The following FAM76A variants were observed in gnomAD, a reference collection of about 807,000 sequenced individuals.
The protein encoded by FAM76A is protein FAM76A.
FAM76A carries 32 observed loss-of-function variants against 46.2 expected under a neutral mutation model. The observed-to-expected ratio is 0.69, with a 90% CI of 0.52 to 0.93. The LOEUF (loss-of-function observed/expected upper bound fraction) is 0.93. FAM76A is among the 40% of genes least tolerant of loss of function. The probability of loss-of-function intolerance (pLI) is 0.00; values close to 1 mark genes in which losing one functional copy is unlikely to be tolerated. For missense variants in FAM76A, 274 were observed against 361.5 expected, an observed-to-expected ratio of 0.76 and a Z score of 1.96; for synonymous variants, 137 against 127.0, an observed-to-expected ratio of 1.08 and a Z score of -0.53.
At chr1:27,742,368 T>C (rs954953680) in intron 4 of FAM76A, among the ~76,000 whole-genome samples, 3 of 152,210 alleles carry the variant, frequency 2.0e-5, no homozygotes, top group Non-Finnish European at 2.9e-5. Flanking sequence ...AGCCATGTTA[T>C]GCTTTCCTAG....
chr1:27,750,787 T>C (rs998942715), intron 6 of FAM76A, among the ~76,000 whole-genome samples: 1 of 152,242 alleles, frequency 6.6e-6, no homozygotes, highest in African/African-American at 2.4e-5. Flanking sequence ...TTGCATCCAG[T>C]CATCAGCAAT....
intron 7 of FAM76A, among the ~76,000 whole-genome samples, chr1:27,758,247 C>T (rs549302442): frequency 2.0e-5 from 3 of 152,270 alleles, no homozygotes; most frequent in East Asian, 1.9e-4. Context: ...TAGTAAATGG[C>T]GGAACAAGGG....
In FAM76A at chr1:27,748,761, G is replaced by A. The variant is rs563517635; in HGVS notation, c.513-307G>A. Among the ~76,000 whole-genome samples the A allele has an allele frequency of 3.1e-3, 468 of 152,306 alleles. 1 individual carries two copies. The highest frequency in any genetic ancestry group is 6.2e-3 in the Admixed American group (95 of 15,296). On this transcript the variant is annotated intron_variant, in intron 5 of 8. Coordinates refer to ENST00000373954, the MANE Select transcript of FAM76A (RefSeq NM_152660.3). ...CTCCCAAAGTGCCGGGATTACAGGC[G>A]TGAGCCACCGCACCCGGCCTCTTAT...
At chr1:27,740,337 A>C (rs1353295907) in intron 4 of FAM76A, 1 of 958,356 alleles carries the variant, frequency 1.0e-6, no homozygotes, top group Non-Finnish European at 1.7e-6. Flanking sequence ...GGCACCATGG[A>C]CTAATCAAAT....
chr1:27,734,200 C>T lies in FAM76A; in HGVS notation c.354+17C>T, dbSNP rs202047083. On this transcript the variant is annotated intron_variant, in intron 4 of 8. Transcript: ENST00000373954. ...AGAAAGAAGGTAAATCTCTGTTTTT[C>T]TTGATTTCTTTTTTTCCTTTCAGAG... 1.4e-5 allele frequency: 22 copies of T among 1,562,962 alleles called. No individual in the cohort carries two copies. In the East Asian group the frequency reaches 4.9e-4, roughly 35 times the overall value.
chr1:27,738,204 A>G (rs2088088894), intron 4 of FAM76A, among the ~76,000 whole-genome samples: 1 of 152,040 alleles, frequency 6.6e-6, no homozygotes. Context: ...TAAAAAAATA[A>G]TAATAGGCCA....
Position 27,734,096 on chromosome 1 carries a change from A to C in FAM76A, c.267A>C (p.Thr89=), listed in dbSNP as rs1400071455. The change falls in exon 4 of 9, where the codon ACA becomes ACC. Residue 89 remains threonine (T), a synonymous_variant. Transcript: ENST00000373954. The stretch of plus-strand genomic sequence containing the variant: ...TTGGGAATAAATGCCAGCGCTGCAC[A>C]AATTCAGAAAAGAAGTATGGACCAC... The part of the protein sequence containing the change: ...AFIGNKCQRC[T]NSEKKYGPPY... The C allele has an allele frequency of 6.2e-7, 1 of 1,613,176 alleles. No homozygotes were observed. The highest frequency in any genetic ancestry group is 8.5e-7 in the Non-Finnish European group (1 of 1,179,856).
chr1:27,738,096 C>T (rs1056637274), intron 4 of FAM76A, among the ~76,000 whole-genome samples: 2 of 151,298 alleles, frequency 1.3e-5, no homozygotes, highest in African/African-American at 4.9e-5. Flanking sequence ...CTGATGGCAT[C>T]CTGTGGTAGT....
At chr1:27,735,843 A>G (rs575469930) in intron 4 of FAM76A, among the ~76,000 whole-genome samples, 56 of 152,360 alleles carry the variant, frequency 3.7e-4, no homozygotes, top group African/African-American at 1.3e-3. Flanking sequence ...CTGGCACATA[A>G]TATAACTGAG....
Position 27,762,270 on chromosome 1 carries a change from C to T in FAM76A, c.*1689C>T, listed in dbSNP as rs2088522461. 6.6e-6 allele frequency: 1 copy of T among 152,138 alleles called. No individual in the cohort carries two copies. The highest frequency in any genetic ancestry group is 1.5e-5 in the Non-Finnish European group (1 of 68,038). 9.4% of individuals were successfully genotyped at this position (152,138 alleles called of 1,614,324 possible). A position where few individuals can be genotyped will look rare whatever the true frequency, so the allele number is the denominator to read the frequency against. ...ATAGATTTACATTTCTAGGCATACT[C>T]TCAGGTCCTCTATGTGATGTTTGTG... On this transcript the variant is annotated 3_prime_UTR_variant, in exon 9 of 9. Transcript: ENST00000373954.
At chr1:27,738,787 A>G (rs1557778516) in intron 4 of FAM76A, among the ~76,000 whole-genome samples, 1 of 152,198 alleles carries the variant, frequency 6.6e-6, no homozygotes, top group Non-Finnish European at 1.5e-5. Flanking sequence ...TACATGACAG[A>G]GAGTGACTGG....
rs1048529098 is a variant in FAM76A at position 27,759,776 on chromosome 1, T to G, written c.837+149T>G. 2.9e-5 allele frequency: 18 copies of G among 617,408 alleles called. 1 individual carries two copies. Among genetic ancestry groups the G allele is most frequent in the African/African-American group, 1.7e-4 (7 of 40,436 alleles). 38.2% of individuals were successfully genotyped at this position (617,408 alleles called of 1,614,324 possible). On this transcript the variant is annotated intron_variant, in intron 8 of 8. Transcript: ENST00000373954. ...TAATCCCCCTTTTAGGTTTTTTTTTTTTGTTTTTTTTTTGAGACAGGTTCT... is the reference window on the plus strand; with the variant it reads ...TAATCCCCCTTTTAGGTTTTTTTTTGTTGTTTTTTTTTTGAGACAGGTTCT...
intron 7 of FAM76A, 39 bp from the exon 8 acceptor site, chr1:27,759,487 C>A: frequency 6.8e-7 from 1 of 1,465,068 alleles, no homozygotes; most frequent in Non-Finnish European, 9.3e-7. Context: ...TTTTATTGCA[C>A]AGAAATTTCT....
chr1:27,759,480 T>A (rs766674517), intron 7 of FAM76A, 46 bp from the exon 8 acceptor site: 31 of 1,412,608 alleles, frequency 2.2e-5, no homozygotes, highest in East Asian at 4.7e-5. Flanking sequence ...AATTTTTTTT[T>A]ATTGCACAGA....
rs766190202 is a variant in FAM76A, at chr1:27,744,709, A to G, written c.410A>G (p.Gln137Arg). 8.1e-6 allele frequency: 13 copies of G among 1,614,158 alleles called. No individual in the cohort carries two copies. The highest frequency in any genetic ancestry group is 1.1e-5 in the Non-Finnish European group (13 of 1,180,020). The change falls in exon 5 of 9, where the codon CAG becomes CGG. Residue 137 changes from glutamine to arginine, a missense_variant. Coordinates refer to ENST00000373954, the MANE Select transcript of FAM76A (RefSeq NM_152660.3). ...LCTLSYKRVL[Q>R]KTKEQRKHLS... is the part of the protein sequence containing the mutation. ...ACACTTTCATACAAACGGGTCCTTC[A>G]GAAGACCAAAGAGCAGAGGAAACAC...
intron 4 of FAM76A, among the ~76,000 whole-genome samples, chr1:27,742,602 T>A (rs886207912): frequency 9.2e-5 from 14 of 151,948 alleles, no homozygotes; most frequent in Middle Eastern, 3.4e-3. Flanking sequence ...GGAGGGTGGG[T>A]TTGGGGAGAT....
chr1:27,733,978 C>G, intron 3 of FAM76A, 53 bp from the exon 4 acceptor site: 3 of 1,529,630 alleles, frequency 2.0e-6, no homozygotes, highest in Non-Finnish European at 2.7e-6. Context: ...TTTTTAAATG[C>G]AGTGGTATTT....
chr1:27,755,141 G>A (rs1218592804), intron 6 of FAM76A, 54 bp from the exon 7 acceptor site: 15 of 1,602,588 alleles, frequency 9.4e-6, no homozygotes, highest in Non-Finnish European at 1.3e-5. Flanking sequence ...TCCTCAGGTA[G>A]AGAAAAGTTT....
chr1:27,755,946 A>G (rs1488827298), intron 7 of FAM76A, among the ~76,000 whole-genome samples: 1 of 152,236 alleles, frequency 6.6e-6, no homozygotes, highest in African/African-American at 2.4e-5. Flanking sequence ...ATCTCAGTTC[A>G]CAGCGGAGCA....
Sources: allele counts gnomAD v4.1 joint callset (sites outside exome capture counted in the v4.1 genomes callset), GRCh38; gene constraint gnomAD v4.1.1; transcripts MANE v1.5; gene names NCBI Gene and HGNC (gene_info 2026-07-23, HGNC 2026-07-21).